Variants in CDH13 observed in about 807,000 individuals in gnomAD.
CDH13 encodes the protein cadherin 13, also known as cadherin-13.
CDH13 carries 24 observed loss-of-function variants against 63.8 expected under a neutral mutation model. The ratio of observed to expected loss-of-function variants is 0.38; its 90% CI spans 0.27 to 0.53. The LOEUF (loss-of-function observed/expected upper bound fraction) is 0.53. Among genes scored for constraint, CDH13 ranks in the 20% least tolerant of loss-of-function variants. The probability of loss-of-function intolerance (pLI) is 0.85; values close to 1 mark genes in which losing one functional copy is unlikely to be tolerated. For synonymous variants in CDH13, 503 were observed against 355.3 expected (o/e 1.42, Z -4.67); for missense variants, 1,049 against 903.1 (o/e 1.16, Z -2.07).
chr16:83,273,203 A>G (rs922167967), intron 5 of CDH13, among the ~76,000 whole-genome samples: 2 of 152,124 alleles, frequency 1.3e-5, no homozygotes, highest in African/African-American at 4.8e-5. Context: ...TTTTAGGTGC[A>G]GGGGATACAT....
intron 1 of CDH13, among the ~76,000 whole-genome samples, chr16:82,845,189 G>A (rs1387287861): frequency 2.0e-5 from 3 of 152,138 alleles, no homozygotes; most frequent in Admixed American, 6.5e-5. Context: ...ACAGCCAGGG[G>A]CCAGTGCACA....
At chr16:82,807,884 C>G (rs1445812126) in intron 1 of CDH13, among the ~76,000 whole-genome samples, 3 of 152,178 alleles carry the variant, frequency 2.0e-5, no homozygotes, top group South Asian at 2.1e-4. Flanking sequence ...ACACAATTCT[C>G]AAGAATATCT....
chr16:83,621,055 A>C (rs1371583239), intron 8 of CDH13, among the ~76,000 whole-genome samples: 3 of 152,128 alleles, frequency 2.0e-5, no homozygotes, highest in African/African-American at 7.2e-5. Context: ...TCCTGCCAGC[A>C]CTGAGACAGG....
chr16:83,114,374 G>A (rs749705926), intron 3 of CDH13, among the ~76,000 whole-genome samples: 1 of 152,118 alleles, frequency 6.6e-6, no homozygotes, highest in Non-Finnish European at 1.5e-5. Context: ...TTCTAACAAT[G>A]ACTTGCACCC....
At chr16:82,914,924 T>G (rs573251637) in intron 2 of CDH13, among the ~76,000 whole-genome samples, 84 of 152,366 alleles carry the variant, frequency 5.5e-4, no homozygotes, top group African/African-American at 2.0e-3. Context: ...AGTCTGATTT[T>G]AATCCTCAGA....
At chr16:83,449,167 T>A (rs2072806821) in intron 6 of CDH13, among the ~76,000 whole-genome samples, 1 of 152,188 alleles carries the variant, frequency 6.6e-6, no homozygotes. Flanking sequence ...CCGGATGGAA[T>A]TCGTTGCCAC....
At chr16:83,607,118 T>G (rs1908414282) in intron 8 of CDH13, among the ~76,000 whole-genome samples, 1 of 152,076 alleles carries the variant, frequency 6.6e-6, no homozygotes, top group African/African-American at 2.4e-5. Context: ...AAGTAAATTC[T>G]TATTGCAAAG....
At chr16:83,583,914 C>G (rs1377235613) in intron 7 of CDH13, among the ~76,000 whole-genome samples, 1 of 151,886 alleles carries the variant, frequency 6.6e-6, no homozygotes, top group Non-Finnish European at 1.5e-5. Flanking sequence ...AAGACTCTGT[C>G]TCAAAGAAAT....
chr16:82,672,798 C>CAT (rs71376309), intron 1 of CDH13, among the ~76,000 whole-genome samples: 1 of 145,600 alleles, frequency 6.9e-6, no homozygotes, highest in African/African-American at 2.5e-5. Context: ...CACACACACA[C>CAT]ACATACACAC....
chr16:83,153,689 C>G (rs2037085896), intron 4 of CDH13, among the ~76,000 whole-genome samples: 1 of 152,136 alleles, frequency 6.6e-6, no homozygotes, highest in Admixed American at 6.6e-5. Context: ...TCCTATAAGA[C>G]CAACATACAA....
chr16:83,028,409 G>A (rs905026895), intron 2 of CDH13, among the ~76,000 whole-genome samples: 7 of 152,236 alleles, frequency 4.6e-5, no homozygotes, highest in African/African-American at 7.2e-5. Flanking sequence ...ACTTAACCAC[G>A]GAAAGCCTTA....
chr16:83,392,585 G>A (rs980452300), intron 6 of CDH13, among the ~76,000 whole-genome samples: 9 of 152,134 alleles, frequency 5.9e-5, no homozygotes, highest in East Asian at 1.9e-4. Flanking sequence ...TGTCTTAGGT[G>A]TGCACACAGA....
intron 1 of CDH13, among the ~76,000 whole-genome samples, chr16:82,740,447 T>C (rs994848439): frequency 2.0e-5 from 3 of 152,232 alleles, no homozygotes; most frequent in African/African-American, 4.8e-5. Context: ...AGAGATGGGC[T>C]GTATCTAGAT....
chr16:83,264,891 T>C (rs1043891339), intron 5 of CDH13, among the ~76,000 whole-genome samples: 3 of 152,214 alleles, frequency 2.0e-5, no homozygotes, highest in Non-Finnish European at 2.9e-5. Context: ...ACATTTATTA[T>C]CCCTTTATAT....
At chr16:83,109,610 A>G (rs1457616510) in intron 3 of CDH13, among the ~76,000 whole-genome samples, 2 of 152,240 alleles carry the variant, frequency 1.3e-5, no homozygotes, top group African/African-American at 2.4e-5. Flanking sequence ...TGAGGAAAGC[A>G]TGATACCTGG....
chr16:83,218,084 A>C (rs905931608), intron 5 of CDH13, among the ~76,000 whole-genome samples: 4 of 152,218 alleles, frequency 2.6e-5, no homozygotes. Flanking sequence ...TGAGGTGTAT[A>C]TGTTTAACAA....
intron 2 of CDH13, among the ~76,000 whole-genome samples, chr16:82,987,003 A>C (rs1911026638): frequency 6.6e-6 from 1 of 152,202 alleles, no homozygotes; most frequent in African/African-American, 2.4e-5. Context: ...ATGGAATTAG[A>C]ATTTAGGGAT....
intron 1 of CDH13, among the ~76,000 whole-genome samples, chr16:82,847,210 G>A (rs1422411202): frequency 6.6e-6 from 1 of 152,206 alleles, no homozygotes; most frequent in African/African-American, 2.4e-5. Context: ...GACTGCATTA[G>A]TTCCCAATGG....
intron 2 of CDH13, among the ~76,000 whole-genome samples, chr16:82,985,528 A>T (rs1910826659): frequency 6.6e-6 from 1 of 152,076 alleles, no homozygotes; most frequent in Non-Finnish European, 1.5e-5. Context: ...ATAAATTCTC[A>T]CTCAGGCCCT....
Sources: gnomAD v4.1 joint callset for allele counts (sites outside exome capture counted in the v4.1 genomes callset) on GRCh38, gnomAD v4.1.1 for gene constraint, MANE v1.5 for transcripts, NCBI Gene and HGNC (gene_info 2026-07-23, HGNC 2026-07-21) for gene names.